The following ITPRID1 variants were observed in gnomAD, a reference collection of about 807,000 sequenced individuals.
ITPRID1 encodes ITPR interacting domain containing 1, also known as protein ITPRID1.
Under a neutral mutation model 95.4 loss-of-function variants are expected in ITPRID1, and 96 were observed. The ratio of observed to expected loss-of-function variants is 1.01; its 90% CI spans 0.85 to 1.19. The LOEUF (loss-of-function observed/expected upper bound fraction) is 1.19, where lower values mean the gene tolerates loss of function less well. Among genes scored for constraint, ITPRID1 ranks in the 50% most tolerant of loss-of-function variants. ITPRID1 has a pLI of 0.00. For missense variants in ITPRID1, 1,339 were observed against 1,252.9 expected, an observed-to-expected ratio of 1.07 and a Z score of -1.04; for synonymous variants, 510 against 453.6, an observed-to-expected ratio of 1.12 and a Z score of -1.58.
chr7:31,543,073 T>G lies in ITPRID1; in HGVS notation c.-97-6353T>G, dbSNP rs146690711. Among the ~76,000 whole-genome samples the G allele has an allele frequency of 7.7e-3, 1,170 of 152,274 alleles. 5 individuals are homozygous for G. The highest frequency in any genetic ancestry group is 0.013 in the Non-Finnish European group (910 of 67,996). The stretch of plus-strand genomic sequence containing the variant: ...GTTGTTGTTTGTTTGTTTGTTTTGC[T>G]AATTTCCCAACTGGGTTATTGGCCT... On this transcript the variant is annotated intron_variant, in intron 1 of 14. Coordinates refer to ENST00000615280, the MANE Select transcript of ITPRID1 (RefSeq NM_001257967.3).
chr7:31,632,882 A>G (rs769469917), intron 10 of ITPRID1, among the ~76,000 whole-genome samples: 11 of 150,900 alleles, frequency 7.3e-5, no homozygotes, highest in Non-Finnish European at 1.6e-4. Flanking sequence ...TTATTTATTT[A>G]TTCATTCATT....
intron 1 of ITPRID1, among the ~76,000 whole-genome samples, chr7:31,527,907 G>A (rs894023588): frequency 2.0e-5 from 3 of 152,192 alleles, no homozygotes; most frequent in African/African-American, 7.2e-5. Context: ...TGAAAGGGAA[G>A]TGTTCTATTT....
intron 10 of ITPRID1, among the ~76,000 whole-genome samples, chr7:31,585,461 A>T (rs1270270368): frequency 6.6e-6 from 1 of 152,158 alleles, no homozygotes. Flanking sequence ...TGGCAAGGGA[A>T]TATAAGGAAA....
At chr7:31,599,337 C>G (rs1213466980) in intron 10 of ITPRID1, among the ~76,000 whole-genome samples, 1 of 151,892 alleles carries the variant, frequency 6.6e-6, no homozygotes, top group Non-Finnish European at 1.5e-5. Flanking sequence ...TATATATTAA[C>G]CTTAGCAACA....
chr7:31,645,721 C>A (rs191721287), intron 12 of ITPRID1, among the ~76,000 whole-genome samples: 1 of 152,060 alleles, frequency 6.6e-6, no homozygotes, highest in Non-Finnish European at 1.5e-5. Context: ...GATGACATTT[C>A]GTGATGTTTG....
intron 1 of ITPRID1, among the ~76,000 whole-genome samples, chr7:31,546,456 T>C (rs1784101332): frequency 6.6e-6 from 1 of 152,036 alleles, no homozygotes. Context: ...TGTGCATGCA[T>C]GTGTCTGTGT....
At chr7:31,625,216 G>A (rs191658879) in intron 10 of ITPRID1, among the ~76,000 whole-genome samples, 21 of 152,048 alleles carry the variant, frequency 1.4e-4, no homozygotes, top group South Asian at 2.1e-4. Flanking sequence ...TCAGTGTGGC[G>A]ATTCCTCAGG....
chr7:31,629,235 C>A (rs1788775248), intron 10 of ITPRID1, among the ~76,000 whole-genome samples: 1 of 152,112 alleles, frequency 6.6e-6, no homozygotes, highest in African/African-American at 2.4e-5. Flanking sequence ...TCAGGAATAT[C>A]TACTAAGTAT....
chr7:31,644,019 A>G, intron 12 of ITPRID1, 66 bp downstream of exon 12: 1 of 1,428,594 alleles, frequency 7.0e-7, no homozygotes, highest in East Asian at 2.3e-5. Flanking sequence ...CAGGGATAAT[A>G]TTCAGACTTC....
intron 10 of ITPRID1, among the ~76,000 whole-genome samples, chr7:31,626,466 T>C (rs917689871): frequency 3.3e-5 from 5 of 152,210 alleles, no homozygotes; most frequent in African/African-American, 1.2e-4. Flanking sequence ...TCCCACTATA[T>C]TTCTGTTTGC....
chr7:31,571,811 G>T (rs573028125), intron 6 of ITPRID1, among the ~76,000 whole-genome samples: 22 of 152,250 alleles, frequency 1.4e-4, no homozygotes, highest in African/African-American at 1.9e-4. Flanking sequence ...TTCCTGAAAG[G>T]TTCCCCAATG....
intron 5 of ITPRID1, among the ~76,000 whole-genome samples, chr7:31,564,313 AAGG>A (rs1456253300): frequency 2.0e-5 from 3 of 152,130 alleles, no homozygotes; most frequent in Non-Finnish European, 4.4e-5. Context: ...TAACCCATGG[AAGG>A]AGATGTATCA....
At chr7:31,558,030 T>C (rs1435910285) in intron 5 of ITPRID1, among the ~76,000 whole-genome samples, 1 of 152,174 alleles carries the variant, frequency 6.6e-6, no homozygotes, top group African/African-American at 2.4e-5. Flanking sequence ...ATGAATGGTT[T>C]AATGCCCTTA....
rs1261057508 is a variant in ITPRID1, at chr7:31,643,820, G to A, written c.2450G>A (p.Gly817Glu). The A allele has an allele frequency of 1.2e-6, 2 of 1,613,906 alleles. No individual in the cohort carries two copies. Among genetic ancestry groups the A allele is most frequent in the Admixed American group, 1.7e-5 (1 of 60,018 alleles). ...TGTCATCACCACCCTCACTGCCACG[G>A]GGAGAGGCAAAGCCCTGGCCCTGAA... Reference protein sequence around the residue: ...ICCHHHPHCHGERQSPGPEPS... With the variant: ...ICCHHHPHCHEERQSPGPEPS... Residue 817 changes from glycine to glutamate, a missense_variant, in exon 12 of 15, where the codon GGG becomes GAG. Physicochemically the swap from Gly to Glu is moderately conservative, Grantham distance 98 (BLOSUM62 -2). Coordinates refer to ENST00000615280, the MANE Select transcript of ITPRID1 (RefSeq NM_001257967.3).
At chr7:31,562,557 C>A (rs2128140242) in intron 5 of ITPRID1, among the ~76,000 whole-genome samples, 1 of 152,190 alleles carries the variant, frequency 6.6e-6, no homozygotes, top group South Asian at 2.1e-4. Flanking sequence ...CAAAGTAAAT[C>A]CAAGTAAACA....
At chr7:31,626,071 G>T (rs1788440548) in intron 10 of ITPRID1, among the ~76,000 whole-genome samples, 1 of 152,064 alleles carries the variant, frequency 6.6e-6, no homozygotes, top group Non-Finnish European at 1.5e-5. Flanking sequence ...TAAAATCAAA[G>T]AACAGACAGA....
intron 10 of ITPRID1, among the ~76,000 whole-genome samples, chr7:31,625,076 T>A (rs372526884): frequency 2.0e-5 from 3 of 152,066 alleles, no homozygotes; most frequent in African/African-American, 7.2e-5. Flanking sequence ...CAATGAGATA[T>A]CATCTCACAC....
chr7:31,571,023 G>GT (rs34757342), intron 6 of ITPRID1, among the ~76,000 whole-genome samples: 55,485 of 150,454 alleles, frequency 0.37, 11,068 homozygotes, highest in East Asian at 0.59. Flanking sequence ...CCCAGCTATT[G>GT]TTTTTTTTTG....
At chr7:31,617,045 C>A (rs953528758) in intron 10 of ITPRID1, among the ~76,000 whole-genome samples, 3 of 152,212 alleles carry the variant, frequency 2.0e-5, no homozygotes, top group African/African-American at 7.2e-5. Flanking sequence ...CTAGGCACCA[C>A]AGCATGGTGG....
Sources: allele counts gnomAD v4.1 joint callset (sites outside exome capture counted in the v4.1 genomes callset), GRCh38; gene constraint gnomAD v4.1.1; transcripts MANE v1.5; gene names NCBI Gene and HGNC (gene_info 2026-07-23, HGNC 2026-07-21).